PDGFD: variants seen among roughly 807,000 people sequenced by gnomAD.
PDGFD encodes platelet derived growth factor D.
Under a neutral mutation model 44.7 loss-of-function variants are expected in PDGFD, and 30 were observed. That is an observed-to-expected ratio of 0.67 (90% CI 0.50 to 0.91). The LOEUF (loss-of-function observed/expected upper bound fraction) is 0.91, where lower values mean the gene tolerates loss of function less well. Among genes scored for constraint, PDGFD ranks in the 40% least tolerant of loss-of-function variants. PDGFD has a pLI of 0.00. For synonymous variants in PDGFD, 173 were observed against 168.4 expected (o/e 1.03, Z -0.21); for missense variants, 445 against 457.8 (o/e 0.97, Z 0.25).
intron 1 of PDGFD, among the ~76,000 whole-genome samples, chr11:104,124,349 G>A (rs1245289070): frequency 6.6e-6 from 1 of 152,040 alleles, no homozygotes; most frequent in Non-Finnish European, 1.5e-5. Flanking sequence ...TTAATATTGA[G>A]CCACTAACTG....
chr11:104,110,505 CA>C (rs113095443), intron 1 of PDGFD, among the ~76,000 whole-genome samples: 21,010 of 137,066 alleles, frequency 0.15, 1,678 homozygotes, highest in East Asian at 0.32. Context: ...GCTTTCTCCT[CA>C]AAAAAAAAAA....
chr11:104,100,001 G>C (rs182866225), intron 1 of PDGFD, among the ~76,000 whole-genome samples: 2 of 152,146 alleles, frequency 1.3e-5, no homozygotes, highest in African/African-American at 4.8e-5. Context: ...ATAAAGAGAA[G>C]CCAGAAAATA....
At chr11:104,066,757 A>C (rs1423536983) in intron 1 of PDGFD, among the ~76,000 whole-genome samples, 3 of 152,206 alleles carry the variant, frequency 2.0e-5, no homozygotes, top group African/African-American at 7.2e-5. Flanking sequence ...CCCTATTGGC[A>C]TCACTGATTG....
chr11:104,036,826 C>T (rs1384584259), intron 1 of PDGFD: 1 of 1,612,180 alleles, frequency 6.2e-7, no homozygotes, highest in East Asian at 2.2e-5. Flanking sequence ...CCCCGCCATG[C>T]TGATCACCGT....
Position 103,968,201 on chromosome 11 carries a change from G to A in PDGFD, c.511-20477C>T, listed in dbSNP as rs533958335. Among the ~76,000 whole-genome samples the A allele has an allele frequency of 6.6e-5, 10 of 151,992 alleles. No homozygotes were observed. In the South Asian group the frequency reaches 1.2e-3, roughly 19 times the overall value. Reference sequence around the variant, plus strand: ...GAGTGCCTTCTTTTAATGTCTTCTCGAATTGTCAGCATTTCCCAGCACTCT... The same window carrying A: ...GAGTGCCTTCTTTTAATGTCTTCTCAAATTGTCAGCATTTCCCAGCACTCT... On this transcript the variant is annotated intron_variant, in intron 3 of 6. Transcript: ENST00000393158.
chr11:104,102,108 G>A (rs550749249), intron 1 of PDGFD, among the ~76,000 whole-genome samples: 40 of 152,076 alleles, frequency 2.6e-4, no homozygotes, highest in East Asian at 1.7e-3. Flanking sequence ...GCTTCTGCAC[G>A]GCAAAAGAAA....
At chr11:104,065,805 T>A (rs2134417325) in intron 1 of PDGFD, among the ~76,000 whole-genome samples, 1 of 152,256 alleles carries the variant, frequency 6.6e-6, no homozygotes, top group South Asian at 2.1e-4. Flanking sequence ...TTATCCCTTG[T>A]ATGTATGCTA....
chr11:103,983,296 C>T (rs1265678288), intron 3 of PDGFD, among the ~76,000 whole-genome samples: 2 of 151,642 alleles, frequency 1.3e-5, no homozygotes, highest in African/African-American at 4.9e-5. Context: ...CTTTGACAAA[C>T]CTGACAAAAA....
chr11:104,037,913 G>T (rs776659603), intron 1 of PDGFD: 5 of 1,614,052 alleles, frequency 3.1e-6, no homozygotes, highest in Non-Finnish European at 4.2e-6. Flanking sequence ...CTTCCTGAGG[G>T]AGAGTTGCCC....
At chr11:104,053,413 T>C (rs1334850897) in intron 1 of PDGFD, among the ~76,000 whole-genome samples, 1 of 152,216 alleles carries the variant, frequency 6.6e-6, no homozygotes, top group East Asian at 1.9e-4. Flanking sequence ...GTTATATTAC[T>C]TACTCAGTTC....
intron 3 of PDGFD, among the ~76,000 whole-genome samples, chr11:103,986,809 T>C (rs904054155): frequency 2.6e-5 from 4 of 152,236 alleles, no homozygotes; most frequent in African/African-American, 4.8e-5. Context: ...TTAGGAGTCA[T>C]GCAGCTGGAG....
chr11:104,118,920 A>G (rs1223712452), intron 1 of PDGFD, among the ~76,000 whole-genome samples: 2 of 89,090 alleles, frequency 2.2e-5, no homozygotes, highest in Non-Finnish European at 4.0e-5. Context: ...TTATATACAT[A>G]ATATATTATT....
intron 5 of PDGFD, among the ~76,000 whole-genome samples, chr11:103,936,789 A>G (rs953971499): frequency 4.0e-5 from 6 of 151,636 alleles, no homozygotes; most frequent in Admixed American, 1.3e-4. Context: ...TGTTTACTGC[A>G]CTCAATATTA....
chr11:104,147,785 T>TA (rs1316218459), intron 1 of PDGFD, among the ~76,000 whole-genome samples: 1 of 152,148 alleles, frequency 6.6e-6, no homozygotes, highest in African/African-American at 2.4e-5. Context: ...ACAGACCTGA[T>TA]ACAAAATCTG....
chr11:104,000,244 G>T lies in PDGFD; in HGVS notation c.136C>A (p.Leu46Ile), dbSNP rs555056804. ...TCATCTCTTCGGTACAAGTCTGTGA[G>T]GTGATTGCTCTCTGTTAGTAGTCAC... ...ANLRRDESNHLTDLYRRDETI... is the reference protein window; with the variant it reads ...ANLRRDESNHITDLYRRDETI... Residue 46 changes from leucine to isoleucine, a missense_variant, in exon 2 of 7, where the codon CTC becomes ATC. Coordinates refer to ENST00000393158, the MANE Select transcript of PDGFD (RefSeq NM_025208.5). 6.2e-7 allele frequency: 1 copy of T among 1,613,816 alleles called. No individual in the cohort carries two copies. Among genetic ancestry groups the T allele is most frequent in the African/African-American group, 1.3e-5 (1 of 75,028 alleles).
At chr11:104,006,173 A>G (rs1301400322) in intron 1 of PDGFD, among the ~76,000 whole-genome samples, 1 of 152,162 alleles carries the variant, frequency 6.6e-6, no homozygotes, top group Non-Finnish European at 1.5e-5. Flanking sequence ...GAGCATCATT[A>G]TTAACATCAC....
chr11:103,969,487 T>TG (rs1565298390), intron 3 of PDGFD, among the ~76,000 whole-genome samples: 2 of 148,530 alleles, frequency 1.3e-5, no homozygotes, highest in Non-Finnish European at 3.0e-5. Flanking sequence ...TTTTTTTTTT[T>TG]TTTTTTTTTT....
chr11:104,026,278 C>A (rs1860041233), intron 1 of PDGFD, among the ~76,000 whole-genome samples: 2 of 152,182 alleles, frequency 1.3e-5, no homozygotes, highest in South Asian at 4.1e-4. Flanking sequence ...GCCATTCACT[C>A]AAAGCAACAG....
chr11:104,160,466 T>A (rs1288454736), intron 1 of PDGFD, among the ~76,000 whole-genome samples: 2 of 152,226 alleles, frequency 1.3e-5, no homozygotes, highest in Non-Finnish European at 2.9e-5. Flanking sequence ...TGAGCAACAC[T>A]TAGTTTTGGC....
Sources: allele counts gnomAD v4.1 joint callset (sites outside exome capture counted in the v4.1 genomes callset), GRCh38; gene constraint gnomAD v4.1.1; transcripts MANE v1.5; gene names NCBI Gene and HGNC (gene_info 2026-07-23, HGNC 2026-07-21).